The following PPP1R9A variants were observed in gnomAD, a reference collection of about 807,000 sequenced individuals.
PPP1R9A encodes neurabin-1.
A neutral mutation model predicts 141.9 loss-of-function variants in PPP1R9A; 59 were observed. That is an observed-to-expected ratio of 0.42 (90% CI 0.34 to 0.52). The LOEUF is 0.52. PPP1R9A is among the 20% of genes least tolerant of loss of function. The probability of loss-of-function intolerance (pLI) is 0.10; values close to 1 mark genes in which losing one functional copy is unlikely to be tolerated. For synonymous variants in PPP1R9A, 500 were observed against 569.7 expected, an observed-to-expected ratio of 0.88 and a Z score of 1.74; for missense variants, 1,444 against 1,611.9, an observed-to-expected ratio of 0.90 and a Z score of 1.78.
chr7:94,991,889 C>T (rs776006509), intron 2 of PPP1R9A, among the ~76,000 whole-genome samples: 2 of 152,176 alleles, frequency 1.3e-5, no homozygotes, highest in African/African-American at 4.8e-5. Context: ...TGAGCTCAAA[C>T]GATCCACCCG....
chr7:95,115,370 A>G (rs1464912021), intron 3 of PPP1R9A, among the ~76,000 whole-genome samples: 1 of 151,996 alleles, frequency 6.6e-6, no homozygotes, highest in African/African-American at 2.4e-5. Context: ...AGAAACTAGA[A>G]TGATAACTAC....
chr7:95,095,125 A>G (rs1817856361), intron 2 of PPP1R9A, among the ~76,000 whole-genome samples: 1 of 152,158 alleles, frequency 6.6e-6, no homozygotes, highest in South Asian at 2.1e-4. Flanking sequence ...CTGGTCCAGA[A>G]GTATGAACTG....
At chr7:95,164,856 A>G (rs997992742) in intron 5 of PPP1R9A, among the ~76,000 whole-genome samples, 1 of 148,676 alleles carries the variant, frequency 6.7e-6, no homozygotes, top group African/African-American at 2.5e-5. Context: ...TAAGAATAGT[A>G]TATCCAGCTT....
intron 2 of PPP1R9A, among the ~76,000 whole-genome samples, chr7:95,028,274 A>G (rs1015162739): frequency 2.6e-5 from 4 of 152,300 alleles, no homozygotes; most frequent in South Asian, 2.1e-4. Context: ...TTAGTAATGC[A>G]AAGTTGGACA....
rs576858321 is a variant in PPP1R9A at position 95,193,984 on chromosome 7, A to G, written c.1755-4365A>G. Among the ~76,000 whole-genome samples the G allele has an allele frequency of 2.0e-5, 3 of 152,156 alleles. No individual in the cohort carries two copies. In the East Asian group the frequency reaches 5.8e-4, roughly 29 times the overall value. ...TATGGCTTAAATTAATCTGAATTCTAATTTACCTTTTACCTTGAGCTTGGC... is the reference window on the plus strand; with the variant it reads ...TATGGCTTAAATTAATCTGAATTCTGATTTACCTTTTACCTTGAGCTTGGC... On this transcript the variant is annotated intron_variant, in intron 5 of 19. Transcript: ENST00000433360.
chr7:95,110,410 A>C (rs1177449593), intron 2 of PPP1R9A, among the ~76,000 whole-genome samples: 2 of 152,164 alleles, frequency 1.3e-5, no homozygotes, highest in African/African-American at 4.8e-5. Context: ...ATGCATAATA[A>C]TTATTGAATT....
chr7:94,934,367 T>C (rs1156639094), intron 2 of PPP1R9A, among the ~76,000 whole-genome samples: 1 of 152,194 alleles, frequency 6.6e-6, no homozygotes, highest in East Asian at 1.9e-4. Flanking sequence ...GTCCTTTGTT[T>C]CATCTCCTTT....
intron 7 of PPP1R9A, among the ~76,000 whole-genome samples, chr7:95,221,547 A>G (rs1430531751): frequency 2.0e-5 from 3 of 152,078 alleles, no homozygotes; most frequent in Non-Finnish European, 4.4e-5. Flanking sequence ...TTACCAAGAG[A>G]CACAACCTGT....
At chr7:95,244,757 G>A (rs1170870698) in intron 8 of PPP1R9A, among the ~76,000 whole-genome samples, 3 of 152,054 alleles carry the variant, frequency 2.0e-5, no homozygotes, top group African/African-American at 7.2e-5. Context: ...GGTGAAGCTG[G>A]GGTAATCATA....
At chr7:95,218,412 T>C (rs1370524801) in intron 7 of PPP1R9A, among the ~76,000 whole-genome samples, 1 of 152,168 alleles carries the variant, frequency 6.6e-6, no homozygotes, top group East Asian at 1.9e-4. Flanking sequence ...TTGGAATAAG[T>C]GCGATGTGGT....
chr7:94,908,772 T>C (rs138467987), intron 1 of PPP1R9A, among the ~76,000 whole-genome samples: 1,530 of 151,792 alleles, frequency 0.01, 14 homozygotes, highest in Middle Eastern at 0.034. Flanking sequence ...TAAAAGGAGA[T>C]TGTCGATGCT....
chr7:95,287,605 ACTC>A, intron 18 of PPP1R9A, among the ~76,000 whole-genome samples: 1 of 151,846 alleles, frequency 6.6e-6, no homozygotes, highest in South Asian at 2.1e-4. Context: ...TTTAGAATAA[ACTC>A]CTAACTATTG....
intron 2 of PPP1R9A, among the ~76,000 whole-genome samples, chr7:94,969,373 T>G (rs1397138933): frequency 6.6e-6 from 1 of 152,176 alleles, no homozygotes; most frequent in Non-Finnish European, 1.5e-5. Context: ...CCTTTCTGAT[T>G]GTTAGTTTTC....
intron 2 of PPP1R9A, among the ~76,000 whole-genome samples, chr7:94,993,262 C>G (rs1015293987): frequency 1.3e-5 from 2 of 151,940 alleles, no homozygotes; most frequent in Non-Finnish European, 2.9e-5. Flanking sequence ...TTCCATTGAT[C>G]TATTTGTCTT....
chr7:94,944,725 A>C (rs1284067481), intron 2 of PPP1R9A, among the ~76,000 whole-genome samples: 2 of 152,070 alleles, frequency 1.3e-5, no homozygotes, highest in African/African-American at 4.8e-5. Flanking sequence ...TCTTTTTCTC[A>C]AAATAGTAGA....
chr7:95,219,328 T>C (rs549898719), intron 7 of PPP1R9A, among the ~76,000 whole-genome samples: 1 of 152,214 alleles, frequency 6.6e-6, no homozygotes, highest in Non-Finnish European at 1.5e-5. Context: ...GAGTTTCTGC[T>C]GAGAGATCCG....
chr7:95,152,348 T>C (rs1198489895), intron 4 of PPP1R9A, among the ~76,000 whole-genome samples: 2 of 152,214 alleles, frequency 1.3e-5, no homozygotes, highest in Non-Finnish European at 2.9e-5. Flanking sequence ...TGTAATCTAT[T>C]CTATGTTTAC....
intron 7 of PPP1R9A, among the ~76,000 whole-genome samples, chr7:95,206,696 A>C (rs975304186): frequency 1.3e-5 from 2 of 152,224 alleles, no homozygotes; most frequent in Non-Finnish European, 2.9e-5. Context: ...AACATACTTA[A>C]TTCTAGAATA....
intron 4 of PPP1R9A, among the ~76,000 whole-genome samples, chr7:95,140,846 T>C (rs1418699625): frequency 6.6e-6 from 1 of 152,212 alleles, no homozygotes; most frequent in Non-Finnish European, 1.5e-5. Flanking sequence ...CCAGAGTAAC[T>C]GGGACCACTG....
Sources: gnomAD v4.1 joint callset for allele counts (sites outside exome capture counted in the v4.1 genomes callset) on GRCh38, gnomAD v4.1.1 for gene constraint, MANE v1.5 for transcripts, NCBI Gene and HGNC (gene_info 2026-07-23, HGNC 2026-07-21) for gene names.